The following CSMD1 variants were observed in gnomAD, a reference collection of about 807,000 sequenced individuals.
The protein encoded by CSMD1 is CUB and Sushi multiple domains 1.
Under a neutral mutation model 417.5 loss-of-function variants are expected in CSMD1, and 213 were observed. The ratio of observed to expected loss-of-function variants is 0.51; its 90% CI spans 0.46 to 0.57. The LOEUF (loss-of-function observed/expected upper bound fraction) is 0.57, where lower values mean the gene tolerates loss of function less well. CSMD1 is among the 20% of genes least tolerant of loss of function. CSMD1 has a pLI of 0.00. For synonymous variants in CSMD1, 2,862 were observed against 1,736.8 expected, an observed-to-expected ratio of 1.65 and a Z score of -16.11; for missense variants, 6,923 against 4,529.7, an observed-to-expected ratio of 1.53 and a Z score of -15.17.
intron 51 of CSMD1, among the ~76,000 whole-genome samples, chr8:3,027,947 G>A (rs567335238): frequency 3.3e-5 from 5 of 152,182 alleles, no homozygotes; most frequent in South Asian, 2.1e-4. Context: ...TCCACTGTAC[G>A]TGAAAATTCT....
At position 4,065,633 on chromosome 8, in the gene CSMD1, C is replaced by G. The variant is rs1391287806; in HGVS notation, c.416-33534G>C. On this transcript the variant is annotated intron_variant, in intron 3 of 69. Coordinates refer to ENST00000635120, the MANE Select transcript of CSMD1 (RefSeq NM_033225.6). ...AGACTCATGAATGAAGCTCATGCACCAAGGCCAGGCAATGCCTTTTAGCCA... is the reference window on the plus strand; with the variant it reads ...AGACTCATGAATGAAGCTCATGCACGAAGGCCAGGCAATGCCTTTTAGCCA... Among the ~76,000 whole-genome samples the G allele has an allele frequency of 7.9e-5, 12 of 152,264 alleles. No individual in the cohort carries two copies. In the East Asian group the frequency reaches 2.3e-3, roughly 29 times the overall value.
At chr8:4,768,972 C>T (rs1436401215) in intron 1 of CSMD1, among the ~76,000 whole-genome samples, 1 of 152,084 alleles carries the variant, frequency 6.6e-6, no homozygotes, top group Non-Finnish European at 1.5e-5. Flanking sequence ...TAACTTGTGA[C>T]TAAACTGTTA....
chr8:3,877,577 G>C (rs1253128845), intron 5 of CSMD1, among the ~76,000 whole-genome samples: 2 of 152,060 alleles, frequency 1.3e-5, no homozygotes, highest in African/African-American at 2.4e-5. Flanking sequence ...AGCTCTTCAG[G>C]GTTACACTGT....
At chr8:3,135,800 C>A (rs911184155) in intron 41 of CSMD1, among the ~76,000 whole-genome samples, 2 of 152,170 alleles carry the variant, frequency 1.3e-5, no homozygotes, top group Middle Eastern at 3.2e-3. Context: ...GCTGGCCCAC[C>A]AAGAAAGTGT....
At chr8:4,952,431 G>C (rs1180147229) in intron 1 of CSMD1, among the ~76,000 whole-genome samples, 2 of 152,038 alleles carry the variant, frequency 1.3e-5, no homozygotes, top group Non-Finnish European at 2.9e-5. Flanking sequence ...ATATTAGTGA[G>C]TCATACTTAC....
chr8:4,464,022 TATTA>T lies in CSMD1; in HGVS notation c.303-43961_303-43958del, dbSNP rs1194456773. ...TTCCTGTTATATCACATGACACCTA[TATTA>T]ATTCAGTTTACGAATTAAAAAAAAA... On this transcript the variant is annotated intron_variant, in intron 2 of 69. Coordinates refer to ENST00000635120, the MANE Select transcript of CSMD1 (RefSeq NM_033225.6). 5.3e-5 allele frequency among the ~76,000 whole-genome samples: 8 copies of T among 152,220 alleles called. 1 individual carries two copies. The East Asian group carries it at 1.5e-3, about 29-fold the overall frequency.
chr8:4,971,077 C>CT (rs1810210740), intron 1 of CSMD1, among the ~76,000 whole-genome samples: 1 of 151,998 alleles, frequency 6.6e-6, no homozygotes, highest in East Asian at 1.9e-4. Flanking sequence ...ATGTCTGTGA[C>CT]TTTTTTTGGA....
intron 7 of CSMD1, among the ~76,000 whole-genome samples, chr8:3,701,402 G>C (rs1196302985): frequency 6.6e-6 from 1 of 152,090 alleles, no homozygotes; most frequent in Non-Finnish European, 1.5e-5. Context: ...GAGAACAGTT[G>C]CGAAAGTCTG....
At chr8:4,776,209 G>A (rs1796845113) in intron 1 of CSMD1, among the ~76,000 whole-genome samples, 1 of 152,184 alleles carries the variant, frequency 6.6e-6, no homozygotes, top group South Asian at 2.1e-4. Context: ...GTCACTCTAG[G>A]AAGTATTTTC....
At chr8:4,795,379 C>T (rs1278948173) in intron 1 of CSMD1, among the ~76,000 whole-genome samples, 1 of 145,868 alleles carries the variant, frequency 6.9e-6, no homozygotes, top group Non-Finnish European at 1.5e-5. Flanking sequence ...TCAAGCAATT[C>T]TCCTGCCTCA....
At chr8:3,049,216 C>A (rs745708087) in intron 50 of CSMD1, among the ~76,000 whole-genome samples, 1 of 152,140 alleles carries the variant, frequency 6.6e-6, no homozygotes, top group African/African-American at 2.4e-5. Context: ...TTCACTCTAT[C>A]AATCTCAACC....
chr8:3,736,108 C>T (rs981345207), intron 6 of CSMD1, among the ~76,000 whole-genome samples: 5 of 152,134 alleles, frequency 3.3e-5, no homozygotes, highest in Non-Finnish European at 7.3e-5. Flanking sequence ...CTGTTGTATG[C>T]AGTTTACATA....
intron 8 of CSMD1, among the ~76,000 whole-genome samples, chr8:3,596,931 G>T (rs545834926): frequency 6.6e-6 from 1 of 152,172 alleles, no homozygotes; most frequent in Admixed American, 6.5e-5. Flanking sequence ...CAGTTTCCAA[G>T]TGCCCCTCTT....
intron 3 of CSMD1, among the ~76,000 whole-genome samples, chr8:4,131,612 G>C (rs552917156): frequency 3.9e-5 from 6 of 152,090 alleles, no homozygotes; most frequent in Admixed American, 1.3e-4. Context: ...TTTTACACTT[G>C]AGAATAGGTA....
At chr8:3,967,325 G>A (rs964890967) in intron 5 of CSMD1, among the ~76,000 whole-genome samples, 17 of 152,004 alleles carry the variant, frequency 1.1e-4, no homozygotes, top group Admixed American at 9.2e-4. Flanking sequence ...TGGAAATGAT[G>A]GTACGGCTTC....
At chr8:3,969,084 C>G (rs1219349389) in intron 5 of CSMD1, among the ~76,000 whole-genome samples, 2 of 152,082 alleles carry the variant, frequency 1.3e-5, no homozygotes, top group African/African-American at 4.8e-5. Flanking sequence ...AAGCACATCT[C>G]TACTAAAAAT....
At chr8:3,969,338 G>C (rs2688351) in intron 5 of CSMD1, among the ~76,000 whole-genome samples, 36,402 of 152,082 alleles carry the variant, frequency 0.24, 4,495 homozygotes, top group East Asian at 0.35. Context: ...CTCGCTACTT[G>C]CTTCCTAATG....
At chr8:4,655,025 G>A (rs1193338785) in intron 1 of CSMD1, among the ~76,000 whole-genome samples, 1 of 122,130 alleles carries the variant, frequency 8.2e-6, no homozygotes, top group African/African-American at 3.3e-5. Context: ...ATTTGATACA[G>A]ATGTACCTCC....
chr8:4,363,751 C>A (rs977467003), intron 3 of CSMD1, among the ~76,000 whole-genome samples: 9 of 152,154 alleles, frequency 5.9e-5, no homozygotes, highest in African/African-American at 1.9e-4. Context: ...GACAGGATCT[C>A]ATTTTTCATG....
Sources: gnomAD v4.1 joint callset for allele counts (sites outside exome capture counted in the v4.1 genomes callset) on GRCh38, gnomAD v4.1.1 for gene constraint, MANE v1.5 for transcripts, NCBI Gene and HGNC (gene_info 2026-07-23, HGNC 2026-07-21) for gene names.